LHPP: variants seen among roughly 807,000 people sequenced by gnomAD.
The protein encoded by LHPP is hLHPP.
Under a neutral mutation model 30.3 loss-of-function variants are expected in LHPP, and 24 were observed. That is an observed-to-expected ratio of 0.79 (90% confidence interval 0.57 to 1.11). The LOEUF (loss-of-function observed/expected upper bound fraction) is 1.11. LHPP is among the 50% of genes most tolerant of loss of function. The pLI is 0.00. For missense variants in LHPP, 356 were observed against 367.2 expected (o/e 0.97, Z 0.25); for synonymous variants, 150 against 157.1 (o/e 0.95, Z 0.34).
At position 124,493,120 on chromosome 10, in the gene LHPP, GA is replaced by G. The variant is rs11447660; in HGVS notation, c.468-3830del. Reference sequence around the variant, plus strand: ...TCAGAACAGGTATATTGTTGAAAAAGAAAAAAAAAAACCGGAAGCAGTCGCT... The same window carrying G: ...TCAGAACAGGTATATTGTTGAAAAAGAAAAAAAAAACCGGAAGCAGTCGCT... On this transcript the variant is annotated intron_variant, in intron 3 of 6. Transcript: ENST00000368842. 9.9e-4 allele frequency among the ~76,000 whole-genome samples: 147 copies of G among 148,758 alleles called. 1 individual carries two copies. The South Asian group carries it at 0.011, about 11-fold the overall frequency.
chr10:124,574,636 C>T (rs974377744), intron 6 of LHPP, among the ~76,000 whole-genome samples: 5 of 152,164 alleles, frequency 3.3e-5, no homozygotes, highest in African/African-American at 7.2e-5. Context: ...CGCATCCCAC[C>T]GGGTGCCTGG....
Position 124,472,219 on chromosome 10 carries a change from G to A in LHPP, c.125+10232G>A, listed in dbSNP as rs145762097. 3.0e-3 allele frequency among the ~76,000 whole-genome samples: 455 copies of A among 152,224 alleles called. 1 individual carries two copies. Among genetic ancestry groups the A allele is most frequent in the Non-Finnish European group, 5.1e-3 (348 of 68,018 alleles). ...TCCTAGCTACTTGGGAGGCTGAGGC[G>A]TGAGAATTGCTTGAACCCGAGAGGC... On this transcript the variant is annotated intron_variant, in intron 1 of 6. Coordinates refer to ENST00000368842, the MANE Select transcript of LHPP (RefSeq NM_022126.4).
Position 124,576,824 on chromosome 10 carries a change from CCCA to C in LHPP, c.717-36438_717-36436del, listed in dbSNP as rs1181044227. On this transcript the variant is annotated intron_variant, in intron 6 of 6. Coordinates refer to ENST00000368842, the MANE Select transcript of LHPP (RefSeq NM_022126.4). The surrounding 1 kb of genome is among the most constrained non-coding windows in gnomAD (Gnocchi z 4.2). ...CCCTCGTGCACCTGTCCTTCCGTAG[CCCA>C]CGATACCTCATCCAGCCCGGGCCCG... Among the ~76,000 whole-genome samples the C allele has an allele frequency of 3.3e-5, 5 of 151,232 alleles. No individual in the cohort carries two copies. The highest frequency in any genetic ancestry group is 4.4e-5 in the Non-Finnish European group (3 of 67,644).
At chr10:124,497,863 C>A (rs756328305) in intron 4 of LHPP, among the ~76,000 whole-genome samples, 173 bp from the exon 5 acceptor site, 1 of 152,056 alleles carries the variant, frequency 6.6e-6, no homozygotes, top group Non-Finnish European at 1.5e-5. Context: ...CCCGGGCAGC[C>A]CTTTCTGGAG....
intron 6 of LHPP, among the ~76,000 whole-genome samples, chr10:124,604,283 G>T (rs530040658): frequency 1.3e-5 from 2 of 152,268 alleles, no homozygotes; most frequent in Admixed American, 1.3e-4. Context: ...CGACCCTCGG[G>T]CACCTGCCAG....
chr10:124,582,381 G>T (rs534334860), intron 6 of LHPP, among the ~76,000 whole-genome samples: 1 of 152,166 alleles, frequency 6.6e-6, no homozygotes, highest in Non-Finnish European at 1.5e-5. Flanking sequence ...ACCACATCTA[G>T]CCTCCTTTGC....
intron 6 of LHPP, among the ~76,000 whole-genome samples, chr10:124,560,241 A>T (rs1325023869): frequency 6.6e-6 from 1 of 152,272 alleles, no homozygotes; most frequent in Non-Finnish European, 1.5e-5. Flanking sequence ...TTTGGAAATT[A>T]TAAACAATCA....
At chr10:124,559,653 C>A (rs549762702) in intron 6 of LHPP, among the ~76,000 whole-genome samples, 3 of 152,264 alleles carry the variant, frequency 2.0e-5, no homozygotes, top group Admixed American at 1.3e-4. Context: ...CGTCTTGCTG[C>A]GTATGTCACG....
At position 124,523,938 on chromosome 10, in the gene LHPP, G is replaced by T. The variant is rs1954669212; in HGVS notation, c.716+6667G>T. Among the ~76,000 whole-genome samples, 1 of 152,218 alleles carries T rather than the reference G, an allele frequency of 6.6e-6. No individual in the cohort carries two copies. Among genetic ancestry groups the T allele is most frequent in the Admixed American group, 6.5e-5 (1 of 15,288 alleles). ...GGTCCTGCCCGGGATAGAGGCTGTGGCTTCTGGTGTAGGTGGGCACTTCTG... is the reference window on the plus strand; with the variant it reads ...GGTCCTGCCCGGGATAGAGGCTGTGTCTTCTGGTGTAGGTGGGCACTTCTG... On this transcript the variant is annotated intron_variant, in intron 6 of 6. Coordinates refer to ENST00000368842, the MANE Select transcript of LHPP (RefSeq NM_022126.4). This position sits in a 1 kb window ranked among gnomAD's most constrained non-coding sequence, Gnocchi z 4.2.
chr10:124,543,398 G>A (rs1589848091), intron 6 of LHPP, among the ~76,000 whole-genome samples: 2 of 152,254 alleles, frequency 1.3e-5, no homozygotes, highest in East Asian at 1.9e-4. Context: ...CAGTGCAGGC[G>A]CAGGTGGCTG....
rs1246857344 is a variant in LHPP, at chr10:124,478,191, G to A, written c.126-5948G>A. On this transcript the variant is annotated intron_variant, in intron 1 of 6. Transcript: ENST00000368842. The surrounding 1 kb of genome is among the most constrained non-coding windows in gnomAD (Gnocchi z 4.7). Reference sequence around the variant, plus strand: ...GAGCAGCACCAAGGGCTGTGTGGGCGCAGCTCGGAGGATGGGATCTGGCTG... The same window carrying A: ...GAGCAGCACCAAGGGCTGTGTGGGCACAGCTCGGAGGATGGGATCTGGCTG... Among the ~76,000 whole-genome samples the A allele has an allele frequency of 6.6e-6, 1 of 152,204 alleles. No individual in the cohort carries two copies. Among genetic ancestry groups the A allele is most frequent in the East Asian group, 1.9e-4 (1 of 5,192 alleles).
At chr10:124,557,775 G>A (rs1198466511) in intron 6 of LHPP, among the ~76,000 whole-genome samples, 1 of 152,118 alleles carries the variant, frequency 6.6e-6, no homozygotes, top group Non-Finnish European at 1.5e-5. Context: ...AGAGCACACT[G>A]GGGGAGGGAT....
At chr10:124,578,710 C>T (rs17152062) in intron 6 of LHPP, among the ~76,000 whole-genome samples, 13,736 of 152,256 alleles carry the variant, frequency 0.09, 753 homozygotes, top group South Asian at 0.22. Flanking sequence ...GCTTACACCG[C>T]GCCACGCGTC....
At chr10:124,493,577 G>A (rs548912055) in intron 3 of LHPP, 1 of 152,256 alleles carries the variant, frequency 6.6e-6, no homozygotes, top group African/African-American at 2.4e-5. Flanking sequence ...TTACCCGACA[G>A]ACTATGGAAG....
intron 6 of LHPP, among the ~76,000 whole-genome samples, chr10:124,574,580 G>A (rs1441286299): frequency 6.6e-6 from 1 of 152,178 alleles, no homozygotes; most frequent in Admixed American, 6.5e-5. Context: ...TGACCCAAGG[G>A]TCAACCAAAG....
chr10:124,613,284 C>T lies in LHPP; in HGVS notation c.737C>T (p.Pro246Leu), dbSNP rs376798947. 9 of 1,613,270 alleles carry T rather than the reference C, an allele frequency of 5.6e-6. No homozygotes were observed. The highest frequency in any genetic ancestry group is 4.5e-5 in the East Asian group (2 of 44,884). The change falls in exon 7 of 7, where the codon CCG becomes CTG. Residue 246 changes from proline (P) to leucine (L), a missense_variant. Physicochemically the swap from Pro to Leu is moderately conservative, Grantham distance 98. Coordinates refer to ENST00000368842, the MANE Select transcript of LHPP (RefSeq NM_022126.4). ...GKFRPSDEHH[P>L]EVKADGYVDN... ...TCCAGGCCCAGTGACGAGCACCATC[C>T]GGAAGTGAAGGCTGATGGGTACGTG... is the stretch of plus-strand genomic sequence containing the variant.
intron 6 of LHPP, among the ~76,000 whole-genome samples, chr10:124,574,021 A>C (rs1361140599): frequency 6.6e-6 from 1 of 152,098 alleles, no homozygotes; most frequent in Non-Finnish European, 1.5e-5. Context: ...GGTGTCACCC[A>C]TGGAGGCTGC....
rs1230459766 is a variant in LHPP at position 124,593,211 on chromosome 10, G to A, written c.717-20053G>A. 6.6e-6 allele frequency among the ~76,000 whole-genome samples: 1 copy of A among 151,798 alleles called. No individual in the cohort carries two copies. The highest frequency in any genetic ancestry group is 1.5e-5 in the Non-Finnish European group (1 of 67,932). On this transcript the variant is annotated intron_variant, in intron 6 of 6. Coordinates refer to ENST00000368842, the MANE Select transcript of LHPP (RefSeq NM_022126.4). The surrounding 1 kb of genome is among the most constrained non-coding windows in gnomAD (Gnocchi z 4.9). Reference sequence around the variant, plus strand: ...GGATTGCAAGTCCAGACAGAAGAGAGCGTCCTGGGAAGCCAGCTGAGAGCA... The same window carrying A: ...GGATTGCAAGTCCAGACAGAAGAGAACGTCCTGGGAAGCCAGCTGAGAGCA...
chr10:124,540,253 C>T (rs774461972), intron 6 of LHPP, among the ~76,000 whole-genome samples: 1 of 152,206 alleles, frequency 6.6e-6, no homozygotes, highest in Non-Finnish European at 1.5e-5. Flanking sequence ...CCCACCTAAG[C>T]AGGGTCCTGC....
Sources: gnomAD v4.1 joint callset for allele counts (sites outside exome capture counted in the v4.1 genomes callset) on GRCh38, gnomAD v4.1.1 for gene constraint, Gnocchi (gnomAD v3.1) non-coding constraint, MANE v1.5 for transcripts, NCBI Gene and HGNC (gene_info 2026-07-23, HGNC 2026-07-21) for gene names.